Variants in CACNB2 observed in about 807,000 individuals in gnomAD.
The protein encoded by CACNB2 is calcium voltage-gated channel auxiliary subunit beta 2, also known as voltage-dependent L-type calcium channel subunit beta-2.
Under a neutral mutation model 73.3 loss-of-function variants are expected in CACNB2, and 42 were observed. The observed-to-expected ratio is 0.57, with a 90% confidence interval of 0.45 to 0.74. The LOEUF (loss-of-function observed/expected upper bound fraction) is 0.74, where lower values mean the gene tolerates loss of function less well. CACNB2 is among the 30% of genes least tolerant of loss of function. The pLI, the probability that CACNB2 is intolerant of heterozygous loss-of-function variation, is 0.00. For synonymous variants in CACNB2, 348 were observed against 310.3 expected (o/e 1.12, Z -1.28); for missense variants, 940 against 853.0 (o/e 1.10, Z -1.27).
chr10:18,275,616 T>C (rs529112318), intron 2 of CACNB2, among the ~76,000 whole-genome samples: 2 of 152,038 alleles, frequency 1.3e-5, no homozygotes, highest in Admixed American at 6.5e-5. Context: ...AAACTAAAAG[T>C]TGAAGATTTA....
At chr10:18,371,323 A>G (rs937461678) in intron 2 of CACNB2, among the ~76,000 whole-genome samples, 1 of 152,118 alleles carries the variant, frequency 6.6e-6, no homozygotes, top group South Asian at 2.1e-4. Context: ...GTCATTTAAC[A>G]TTAGGTATAT....
At chr10:18,338,572 T>C (rs78025279) in intron 2 of CACNB2, among the ~76,000 whole-genome samples, 7,554 of 152,166 alleles carry the variant, frequency 0.05, 384 homozygotes, top group African/African-American at 0.12. Flanking sequence ...CTGAATAGTA[T>C]CCAAAATTTT....
intron 3 of CACNB2, among the ~76,000 whole-genome samples, chr10:18,421,239 T>C (rs11014167): frequency 0.87 from 131,141 of 151,198 alleles, 57,049 homozygotes; most frequent in East Asian, 0.94. Context: ...TTTTTTTTTT[T>C]TGTTTCCTTG....
rs1327722004 is a variant in CACNB2, at chr10:18,540,361, C to CTA, written c.*639_*640dup. 6.6e-6 allele frequency: 1 copy of CTA among 151,950 alleles called. No individual in the cohort carries two copies. Among genetic ancestry groups the CTA allele is most frequent in the Non-Finnish European group, 1.5e-5 (1 of 67,940 alleles). 9.4% of individuals were successfully genotyped at this position (151,950 alleles called of 1,614,324 possible). A position where few individuals can be genotyped will look rare whatever the true frequency, so the allele number is the denominator to read the frequency against. On this transcript the variant is annotated 3_prime_UTR_variant, in exon 14 of 14. Coordinates refer to ENST00000324631, the MANE Select transcript of CACNB2 (RefSeq NM_201596.3). The stretch of plus-strand genomic sequence containing the variant: ...ATATATATATATCAGTTTGATCACA[C>CTA]TATTTTAGAGTCTTAATGCCAAGTC...
chr10:18,352,088 A>T (rs1043569771), intron 2 of CACNB2, among the ~76,000 whole-genome samples: 8 of 152,220 alleles, frequency 5.3e-5, no homozygotes, highest in African/African-American at 1.9e-4. Context: ...AATGCCCAAG[A>T]TGAATAGGCA....
intron 2 of CACNB2, among the ~76,000 whole-genome samples, chr10:18,328,287 A>G (rs1478927862): frequency 6.6e-6 from 1 of 152,194 alleles, no homozygotes; most frequent in Non-Finnish European, 1.5e-5. Context: ...TGCTCAACCA[A>G]GTTGCATCCC....
chr10:18,408,902 AG>A (rs1234049307), intron 3 of CACNB2, among the ~76,000 whole-genome samples: 2 of 152,114 alleles, frequency 1.3e-5, no homozygotes, highest in Non-Finnish European at 2.9e-5. Context: ...CTGAGGCTGG[AG>A]TTGCAGTGGC....
At position 18,148,392 on chromosome 10, in the gene CACNB2, T is replaced by C. The variant is rs2031204986; in HGVS notation, c.121-2491T>C. Among the ~76,000 whole-genome samples the C allele has an allele frequency of 2.0e-5, 3 of 152,362 alleles. No homozygotes were observed. In the South Asian group the frequency reaches 6.2e-4, roughly 32 times the overall value. On this transcript the variant is annotated intron_variant, in intron 1 of 13. Transcript: ENST00000324631. The stretch of plus-strand genomic sequence containing the variant: ...AGTACAGTTGAAAACTGTAATAATT[T>C]CATTACATATACTTTGCATAGGTAG...
intron 7 of CACNB2, among the ~76,000 whole-genome samples, chr10:18,515,916 T>A (rs2051227617): frequency 6.6e-6 from 1 of 152,198 alleles, no homozygotes; most frequent in Non-Finnish European, 1.5e-5. Context: ...ATTTTTTCAC[T>A]AAATAATTTG....
Position 18,466,939 on chromosome 10 carries a change from G to C in CACNB2, c.334-31416G>C, listed in dbSNP as rs1367909793. ...GGAGGCCGAGACGGGCGGTTCACTT[G>C]AGGTCAGGAGCTGAGAGCAGCCTGG... is the stretch of plus-strand genomic sequence containing the variant. On this transcript the variant is annotated intron_variant, in intron 3 of 13. Transcript: ENST00000324631. Among the ~76,000 whole-genome samples the C allele has an allele frequency of 4.6e-5, 7 of 152,162 alleles. 1 individual carries two copies. The highest frequency in any genetic ancestry group is 4.6e-4 in the Admixed American group (7 of 15,270).
intron 2 of CACNB2, among the ~76,000 whole-genome samples, chr10:18,201,307 C>T (rs1468549422): frequency 4.8e-5 from 7 of 146,084 alleles, no homozygotes; most frequent in South Asian, 2.2e-4. Flanking sequence ...CATAGTCTCA[C>T]TCTGTCAGCC....
intron 2 of CACNB2, among the ~76,000 whole-genome samples, chr10:18,371,666 T>A (rs1379748828): frequency 2.0e-5 from 3 of 152,220 alleles, no homozygotes; most frequent in African/African-American, 7.2e-5. Context: ...TAAACATACA[T>A]GTGCATGTGT....
At chr10:18,352,280 G>A (rs1219962941) in intron 2 of CACNB2, among the ~76,000 whole-genome samples, 1 of 152,208 alleles carries the variant, frequency 6.6e-6, no homozygotes, top group Non-Finnish European at 1.5e-5. Flanking sequence ...CCTCTGTGAA[G>A]CAGGGAAAAA....
At chr10:18,188,418 C>T (rs1049384845) in intron 2 of CACNB2, among the ~76,000 whole-genome samples, 1 of 151,856 alleles carries the variant, frequency 6.6e-6, no homozygotes, top group Non-Finnish European at 1.5e-5. Context: ...GCAATCTTCC[C>T]GCCTCAGCTT....
rs1432334096 is a variant in CACNB2, at chr10:18,336,536, TTGAACC to T, written c.214-65385_214-65380del. Among the ~76,000 whole-genome samples the T allele has an allele frequency of 3.3e-5, 5 of 152,256 alleles. No homozygotes were observed. In the East Asian group the frequency reaches 9.7e-4, roughly 29 times the overall value. On this transcript the variant is annotated intron_variant, in intron 2 of 13. Transcript: ENST00000324631. ...CGAGAGGCTGAGGCATAAAAATTGC[TTGAACC>T]TGGGAGGCGGAGGCTGCAATGAGCC... is the stretch of plus-strand genomic sequence containing the variant.
At chr10:18,286,287 C>T (rs971611960) in intron 2 of CACNB2, among the ~76,000 whole-genome samples, 12 of 152,022 alleles carry the variant, frequency 7.9e-5, no homozygotes, top group African/African-American at 2.4e-4. Flanking sequence ...GAGGCCAAGG[C>T]GGGCGGATCA....
chr10:18,268,891 T>A (rs2037926916), intron 2 of CACNB2, among the ~76,000 whole-genome samples: 2 of 152,164 alleles, frequency 1.3e-5, no homozygotes, highest in Non-Finnish European at 2.9e-5. Flanking sequence ...AATTGTCATA[T>A]GTACTCAAAG....
intron 2 of CACNB2, among the ~76,000 whole-genome samples, chr10:18,292,842 A>C (rs542881793): frequency 2.0e-4 from 31 of 152,144 alleles, no homozygotes; most frequent in Non-Finnish European, 4.1e-4. Context: ...ATTCCTTTCT[A>C]TTCTGTACAG....
chr10:18,324,471 A>G (rs1401647741), intron 2 of CACNB2, among the ~76,000 whole-genome samples: 1 of 152,260 alleles, frequency 6.6e-6, no homozygotes, highest in African/African-American at 2.4e-5. Context: ...ATGTGCAAAG[A>G]GACATAAATA....
Sources: gnomAD v4.1 joint callset for allele counts (sites outside exome capture counted in the v4.1 genomes callset) on GRCh38, gnomAD v4.1.1 for gene constraint, MANE v1.5 for transcripts, NCBI Gene and HGNC (gene_info 2026-07-23, HGNC 2026-07-21) for gene names.